TUSC3: variants seen among roughly 807,000 people sequenced by gnomAD.
The protein encoded by TUSC3 is dolichyl-diphosphooligosaccharide--protein glycosyltransferase subunit TUSC3.
A neutral mutation model predicts 44.8 loss-of-function variants in TUSC3; 45 were observed. The ratio of observed to expected loss-of-function variants is 1.00; its 90% CI spans 0.79 to 1.29. The LOEUF (loss-of-function observed/expected upper bound fraction) is 1.29, where lower values mean the gene tolerates loss of function less well. Among genes scored for constraint, TUSC3 ranks in the 50% most tolerant of loss-of-function variants. TUSC3 has a pLI of 0.00. For missense variants in TUSC3, 519 were observed against 437.9 expected, an observed-to-expected ratio of 1.19 and a Z score of -1.65; for synonymous variants, 212 against 152.9, an observed-to-expected ratio of 1.39 and a Z score of -2.85.
At chr8:15,664,170 A>G (rs976629577) in intron 5 of TUSC3, among the ~76,000 whole-genome samples, 5 of 151,796 alleles carry the variant, frequency 3.3e-5, no homozygotes, top group African/African-American at 7.2e-5. Context: ...AAGATTCAGT[A>G]ATCTCAACTT....
At chr8:15,777,432 T>G in the TUSC3 span, among the ~76,000 whole-genome samples, 51 of 152,228 alleles carry the variant, frequency 3.4e-4, no homozygotes, top group African/African-American at 1.2e-3. Context: ...AGCTCAAAAA[T>G]TACTGGGTAA....
upstream of TUSC3, among the ~76,000 whole-genome samples, chr8:15,537,352 C>G (rs1362898731): frequency 6.6e-6 from 1 of 152,178 alleles, no homozygotes; most frequent in Non-Finnish European, 1.5e-5. Context: ...TGAACGAAAC[C>G]AATGCATTTC....
the TUSC3 span, among the ~76,000 whole-genome samples, chr8:15,839,598 T>C: frequency 9.9e-5 from 15 of 152,122 alleles, no homozygotes; most frequent in Non-Finnish European, 1.5e-5. Flanking sequence ...AAAAAAGACA[T>C]TTATGCAGCC....
In TUSC3 at chr8:15,743,492, A is replaced by AT. The variant is rs772485399; in HGVS notation, c.863-42dup. The AT allele has an allele frequency of 6.9e-6, 11 of 1,601,002 alleles. No individual in the cohort carries two copies. In the East Asian group the frequency reaches 2.5e-4, roughly 36 times the overall value. On this transcript the variant is annotated intron_variant, in intron 7 of 10. Coordinates refer to ENST00000503731, the MANE Select transcript of TUSC3 (RefSeq NM_006765.4). ...TGTTCAGAGCCAGAAAAATTAATAGATTTTATTCACATCTATGTCTACGGC... is the reference window on the plus strand; with the variant it reads ...TGTTCAGAGCCAGAAAAATTAATAGATTTTTATTCACATCTATGTCTACGGC...
At chr8:15,522,418 A>G (rs911838291) in intron 2 of TUSC3, among the ~76,000 whole-genome samples, 26 of 152,062 alleles carry the variant, frequency 1.7e-4, no homozygotes, top group African/African-American at 6.3e-4. Flanking sequence ...TTTTTTGTAG[A>G]GAAAGGGTTT....
intron 2 of TUSC3, among the ~76,000 whole-genome samples, chr8:15,508,062 G>T (rs6989644): frequency 0.84 from 128,347 of 151,952 alleles, 54,900 homozygotes; most frequent in East Asian, 0.99. Context: ...GTCAACATGG[G>T]GAAACCCGTC....
At chr8:15,532,805 G>A (rs1801467852) in intron 2 of TUSC3, among the ~76,000 whole-genome samples, 1 of 152,104 alleles carries the variant, frequency 6.6e-6, no homozygotes, top group Admixed American at 6.5e-5. Flanking sequence ...AGATCTGATG[G>A]TTTTTAGAGA....
Position 15,638,280 on chromosome 8 carries a change from T to A in TUSC3, c.309-12417T>A, listed in dbSNP as rs3789000. ...AAGTTATAAATGTTAATTTCCTCAC[T>A]TCCATTTACATTTATATTCTGTAGG... is the stretch of plus-strand genomic sequence containing the variant. On this transcript the variant is annotated intron_variant, in intron 2 of 10. Coordinates refer to ENST00000503731, the MANE Select transcript of TUSC3 (RefSeq NM_006765.4). 2.4e-3 allele frequency among the ~76,000 whole-genome samples: 357 copies of A among 151,874 alleles called. 2 individuals carry two copies. Among genetic ancestry groups the A allele is most frequent in the Non-Finnish European group, 3.3e-3 (224 of 67,952 alleles).
At chr8:15,805,089 G>A in the TUSC3 span, among the ~76,000 whole-genome samples, 1 of 151,838 alleles carries the variant, frequency 6.6e-6, no homozygotes, top group South Asian at 2.1e-4. Context: ...TTGTGTGTGT[G>A]GCAACTGTAA....
intron 5 of TUSC3, among the ~76,000 whole-genome samples, chr8:15,672,650 C>T (rs545565320): frequency 1.3e-5 from 2 of 152,124 alleles, no homozygotes; most frequent in African/African-American, 4.8e-5. Context: ...TGGGTAGATA[C>T]TCCTGTTTGT....
chr8:15,473,395 T>A (rs910773756), intron 1 of TUSC3, among the ~76,000 whole-genome samples: 34 of 152,244 alleles, frequency 2.2e-4, no homozygotes, highest in African/African-American at 8.0e-4. Flanking sequence ...CACTTTCCTA[T>A]GAAATACTAT....
At chr8:15,461,549 G>A (rs565979578) in intron 1 of TUSC3, among the ~76,000 whole-genome samples, 3 of 151,868 alleles carry the variant, frequency 2.0e-5, no homozygotes, top group South Asian at 4.1e-4. Context: ...TGATTTCTCC[G>A]GCTAGGACTT....
chr8:15,774,945 A>G, the TUSC3 span, among the ~76,000 whole-genome samples: 1 of 152,200 alleles, frequency 6.6e-6, no homozygotes, highest in East Asian at 1.9e-4. Context: ...CGGACTTACC[A>G]TATGACACTG....
intron 2 of TUSC3, among the ~76,000 whole-genome samples, chr8:15,523,034 A>C (rs1585075047): frequency 6.6e-6 from 1 of 152,194 alleles, no homozygotes; most frequent in Non-Finnish European, 1.5e-5. Context: ...ACTGAGAACT[A>C]TACCAGCTCC....
intron 1 of TUSC3, among the ~76,000 whole-genome samples, chr8:15,434,272 C>A (rs7814420): frequency 0.16 from 25,015 of 152,030 alleles, 2,108 homozygotes; most frequent in Middle Eastern, 0.22. Flanking sequence ...AAGCCTTTGA[C>A]TGGTATTAAC....
chr8:15,752,772 A>G (rs929980521), intron 9 of TUSC3, among the ~76,000 whole-genome samples: 14 of 152,126 alleles, frequency 9.2e-5, no homozygotes, highest in South Asian at 2.1e-4. Context: ...TGAAAATAAC[A>G]TGAGGTCAAA....
chr8:15,640,842 G>T (rs896212753), intron 2 of TUSC3, among the ~76,000 whole-genome samples: 3 of 152,094 alleles, frequency 2.0e-5, no homozygotes, highest in Non-Finnish European at 4.4e-5. Context: ...ATGTCATGAA[G>T]GAAAAGCACA....
chr8:15,473,268 A>C (rs749656251), intron 1 of TUSC3, among the ~76,000 whole-genome samples: 1 of 152,212 alleles, frequency 6.6e-6, no homozygotes, highest in African/African-American at 2.4e-5. Context: ...AAAGTATTAT[A>C]TGATTATTAT....
At chr8:15,513,740 G>T (rs544307000) in intron 2 of TUSC3, among the ~76,000 whole-genome samples, 1 of 152,132 alleles carries the variant, frequency 6.6e-6, no homozygotes, top group Non-Finnish European at 1.5e-5. Context: ...ATAAGCAGCA[G>T]GTTGGCTCTG....
Sources: allele counts gnomAD v4.1 joint callset (sites outside exome capture counted in the v4.1 genomes callset), GRCh38; gene constraint gnomAD v4.1.1; transcripts MANE v1.5; gene names NCBI Gene and HGNC (gene_info 2026-07-23, HGNC 2026-07-21).